AMBRA1: variants seen among roughly 807,000 people sequenced by gnomAD.
AMBRA1 encodes activating molecule in BECN1-regulated autophagy protein 1.
A neutral mutation model predicts 125.4 loss-of-function variants in AMBRA1; 47 were observed. The observed-to-expected ratio is 0.37, with a 90% confidence interval of 0.30 to 0.48. The LOEUF (loss-of-function observed/expected upper bound fraction) is 0.48. Among genes scored for constraint, AMBRA1 ranks in the 20% least tolerant of loss-of-function variants. The probability of loss-of-function intolerance (pLI) is 0.99; values close to 1 mark genes in which losing one functional copy is unlikely to be tolerated. For synonymous variants in AMBRA1, 626 were observed against 655.5 expected (o/e 0.95, Z 0.69); for missense variants, 1,331 against 1,693.4 (o/e 0.79, Z 3.76).
intron 14 of AMBRA1, among the ~76,000 whole-genome samples, chr11:46,424,230 G>A (rs956302989): frequency 1.3e-5 from 2 of 151,638 alleles, no homozygotes; most frequent in South Asian, 2.1e-4. Context: ...CAGAAAAAAA[G>A]GGCAAACAGC....
chr11:46,534,122 T>C (rs1434655654), intron 7 of AMBRA1, among the ~76,000 whole-genome samples: 1 of 140,906 alleles, frequency 7.1e-6, no homozygotes, highest in Non-Finnish European at 1.5e-5. Context: ...CTTATCACTG[T>C]CTGGCATACT....
At chr11:46,581,670 C>A (rs947692914) in intron 1 of AMBRA1, among the ~76,000 whole-genome samples, 1 of 151,608 alleles carries the variant, frequency 6.6e-6, no homozygotes, top group Non-Finnish European at 1.5e-5. Context: ...TGTGGTGGCA[C>A]GTGCCTGTAG....
At chr11:46,585,432 C>T (rs2044335327) in intron 1 of AMBRA1, among the ~76,000 whole-genome samples, 1 of 149,930 alleles carries the variant, frequency 6.7e-6, no homozygotes, top group African/African-American at 2.5e-5. Flanking sequence ...CTTTGGGAGG[C>T]CGAGGCAGGT....
chr11:46,544,495 G>T (rs567220123), intron 5 of AMBRA1, among the ~76,000 whole-genome samples: 1 of 152,262 alleles, frequency 6.6e-6, no homozygotes, highest in South Asian at 2.1e-4. Flanking sequence ...GCCTGTATTC[G>T]ACTGGAAATC....
intron 7 of AMBRA1, chr11:46,518,148 G>C: frequency 3.1e-6 from 3 of 982,582 alleles, no homozygotes; most frequent in Non-Finnish European, 3.6e-6. Context: ...AATTACTCAC[G>C]GCCAGGCGCG....
At chr11:46,511,917 C>T (rs915355780) in intron 8 of AMBRA1, among the ~76,000 whole-genome samples, 1 of 150,250 alleles carries the variant, frequency 6.7e-6, no homozygotes, top group African/African-American at 2.4e-5. Flanking sequence ...TGCAGTGGTG[C>T]GATCTCTGCT....
intron 7 of AMBRA1, among the ~76,000 whole-genome samples, chr11:46,535,704 T>C (rs191637433): frequency 6.6e-6 from 1 of 152,074 alleles, no homozygotes; most frequent in East Asian, 1.9e-4. Context: ...AAAGACCTAA[T>C]AATATTACTG....
At chr11:46,460,942 T>C (rs951523527) in intron 11 of AMBRA1, among the ~76,000 whole-genome samples, 1 of 152,058 alleles carries the variant, frequency 6.6e-6, no homozygotes, top group Non-Finnish European at 1.5e-5. Flanking sequence ...AATGAATTAA[T>C]TAAATAAAAA....
chr11:46,527,742 C>A (rs953545378), intron 7 of AMBRA1, among the ~76,000 whole-genome samples: 1 of 151,640 alleles, frequency 6.6e-6, no homozygotes, highest in Admixed American at 6.6e-5. Flanking sequence ...AAAGCAAAAC[C>A]ACATTTATTT....
intron 10 of AMBRA1, 93 bp from the exon 11 acceptor site, chr11:46,493,801 C>A: frequency 1.1e-6 from 1 of 897,346 alleles, no homozygotes; most frequent in South Asian, 1.8e-5. Context: ...CTAAGGGACC[C>A]ACTGAATCCA....
chr11:46,489,078 T>A (rs1016242394), intron 11 of AMBRA1, among the ~76,000 whole-genome samples: 2 of 152,116 alleles, frequency 1.3e-5, no homozygotes, highest in African/African-American at 2.4e-5. Flanking sequence ...TTTTTTTTTT[T>A]ATTACACTTT....
At chr11:46,476,455 G>A (rs961951309) in intron 11 of AMBRA1, among the ~76,000 whole-genome samples, 2 of 152,118 alleles carry the variant, frequency 1.3e-5, no homozygotes, top group African/African-American at 4.8e-5. Context: ...CCAACCCGTG[G>A]TGCTGGTACT....
intron 14 of AMBRA1, among the ~76,000 whole-genome samples, chr11:46,427,519 G>A (rs1365907360): frequency 2.0e-5 from 3 of 152,220 alleles, no homozygotes; most frequent in East Asian, 1.9e-4. Flanking sequence ...TTAACTTAGC[G>A]CGCAGAGTCA....
intron 11 of AMBRA1, among the ~76,000 whole-genome samples, chr11:46,451,001 CTT>C (rs1486210393): frequency 1.3e-5 from 2 of 152,108 alleles, no homozygotes; most frequent in African/African-American, 4.8e-5. Context: ...TTCCACTCAA[CTT>C]TTAATAAACC....
At chr11:46,553,009 G>A (rs1230212990) in intron 1 of AMBRA1, among the ~76,000 whole-genome samples, 5 of 151,974 alleles carry the variant, frequency 3.3e-5, no homozygotes, top group East Asian at 1.9e-4. Context: ...GCAGTGGGGC[G>A]ATCTCGGCTC....
Position 46,542,908 on chromosome 11 carries a change from G to A in AMBRA1, c.1109C>T (p.Ala370Val). Residue 370 changes from alanine (A) to valine (V), a missense_variant, in exon 7 of 18, where the codon GCC becomes GTC. Transcript: ENST00000683756. The surrounding 1 kb of genome is among the most constrained non-coding windows in gnomAD (Gnocchi z 5.9). ...QDQGLLNRPS[A>V]FSTVQSSTAG... ...AGTGCTGCTCTGGACTGTACTGAAGGCAGACGGCCGGTTCAGGAGGCCCTG... is the reference window on the plus strand; with the variant it reads ...AGTGCTGCTCTGGACTGTACTGAAGACAGACGGCCGGTTCAGGAGGCCCTG... 6.2e-7 allele frequency: 1 copy of A among 1,612,214 alleles called. No individual in the cohort carries two copies. The highest frequency in any genetic ancestry group is 8.5e-7 in the Non-Finnish European group (1 of 1,180,008).
intron 11 of AMBRA1, among the ~76,000 whole-genome samples, chr11:46,449,261 T>C (rs1948459938): frequency 6.6e-6 from 1 of 152,208 alleles, no homozygotes; most frequent in African/African-American, 2.4e-5. Flanking sequence ...AATCTGTTTG[T>C]TGCCAGATGA....
intron 11 of AMBRA1, among the ~76,000 whole-genome samples, chr11:46,474,836 G>GCAGCTA (rs1015270003): frequency 9.9e-5 from 15 of 152,236 alleles, no homozygotes; most frequent in African/African-American, 3.6e-4. Context: ...TTCACTGAGG[G>GCAGCTA]CAGCTAACCC....
intron 1 of AMBRA1, among the ~76,000 whole-genome samples, chr11:46,582,864 G>C (rs1652511735): frequency 6.6e-6 from 1 of 151,592 alleles, no homozygotes; most frequent in Non-Finnish European, 1.5e-5. Context: ...GTCTGAAAAG[G>C]TACGAATTGA....
Sources: allele counts gnomAD v4.1 joint callset (sites outside exome capture counted in the v4.1 genomes callset), GRCh38; gene constraint gnomAD v4.1.1; non-coding constraint Gnocchi (gnomAD v3.1); transcripts MANE v1.5; gene names NCBI Gene and HGNC (gene_info 2026-07-23, HGNC 2026-07-21).